ATXN7L1: variants seen among roughly 807,000 people sequenced by gnomAD.
ATXN7L1 encodes ataxin 7 like 1, also known as ataxin-7-like protein 1.
A neutral mutation model predicts 70.8 loss-of-function variants in ATXN7L1; 15 were observed. The observed-to-expected ratio is 0.21, with a 90% CI of 0.14 to 0.33. The LOEUF is 0.33. Among genes scored for constraint, ATXN7L1 ranks in the 10% least tolerant of loss-of-function variants. ATXN7L1 has a pLI of 1.00. For synonymous variants in ATXN7L1, 440 were observed against 445.1 expected (o/e 0.99, Z 0.14); for missense variants, 975 against 1,097.1 (o/e 0.89, Z 1.57).
At chr7:105,745,178 G>T (rs2116370673) in intron 3 of ATXN7L1, among the ~76,000 whole-genome samples, 1 of 152,136 alleles carries the variant, frequency 6.6e-6, no homozygotes, top group Non-Finnish European at 1.5e-5. Flanking sequence ...AATATTAAGG[G>T]GTGAAGGGAT....
rs146838327 is a variant in ATXN7L1 at position 105,791,973 on chromosome 7, G to A, written c.251-3265C>T. Among the ~76,000 whole-genome samples, 452 of 152,320 alleles carry A rather than the reference G, an allele frequency of 3.0e-3. 2 individuals carry two copies. Among genetic ancestry groups the A allele is most frequent in the African/African-American group, 0.01 (428 of 41,566 alleles). On this transcript the variant is annotated intron_variant, in intron 2 of 11. Coordinates refer to ENST00000419735, the MANE Select transcript of ATXN7L1 (RefSeq NM_020725.2). ...GGAGGCTGAGACCAGACATTGGAGG[G>A]TGTGGGGAATTTGTCCCTGCACCTT... is the stretch of plus-strand genomic sequence containing the variant.
rs146420456 is a variant in ATXN7L1 at position 105,722,223 on chromosome 7, G to A, written c.356-56935C>T. 4.4e-3 allele frequency among the ~76,000 whole-genome samples: 663 copies of A among 152,228 alleles called. 3 individuals carry two copies. Among genetic ancestry groups the A allele is most frequent in the African/African-American group, 0.014 (587 of 41,540 alleles). On this transcript the variant is annotated intron_variant, in intron 3 of 11. Transcript: ENST00000419735. ...CAGGGCTGGGACTATGTGTGTACAC[G>A]TGCGTGCCTGTGTGTGCCCTCACAG... is the stretch of plus-strand genomic sequence containing the variant.
At chr7:105,761,792 C>T (rs1191596094) in intron 3 of ATXN7L1, among the ~76,000 whole-genome samples, 1 of 152,144 alleles carries the variant, frequency 6.6e-6, no homozygotes, top group African/African-American at 2.4e-5. Context: ...TCATGGGCAC[C>T]ATTATTCATG....
intron 3 of ATXN7L1, among the ~76,000 whole-genome samples, chr7:105,768,559 C>T (rs964943420): frequency 3.3e-5 from 5 of 152,210 alleles, no homozygotes; most frequent in African/African-American, 7.2e-5. Context: ...AAACCCATCA[C>T]GAGTAGGTTT....
intron 3 of ATXN7L1, among the ~76,000 whole-genome samples, chr7:105,683,856 G>A (rs548074665): frequency 7.2e-5 from 11 of 152,186 alleles, no homozygotes; most frequent in Admixed American, 3.3e-4. Context: ...TGATACAGCC[G>A]CCATTTCCAT....
chr7:105,761,146 T>A, intron 3 of ATXN7L1: 1 of 1,242,666 alleles, frequency 8.0e-7, no homozygotes, highest in Non-Finnish European at 1.0e-6. Context: ...TTAGACCAGC[T>A]TTGTGGTGGT....
At chr7:105,664,228 T>C (rs1802159824) in intron 4 of ATXN7L1, among the ~76,000 whole-genome samples, 1 of 152,056 alleles carries the variant, frequency 6.6e-6, no homozygotes, top group Non-Finnish European at 1.5e-5. Context: ...GGTAGGGCCG[T>C]GGTCTTGCTC....
chr7:105,635,408 G>C (rs1046442107), intron 7 of ATXN7L1, among the ~76,000 whole-genome samples: 2 of 152,236 alleles, frequency 1.3e-5, no homozygotes, highest in African/African-American at 4.8e-5. Context: ...GTCAAGGCCG[G>C]CATTCACTGC....
At chr7:105,767,370 A>C (rs1801414433) in intron 3 of ATXN7L1, among the ~76,000 whole-genome samples, 1 of 152,062 alleles carries the variant, frequency 6.6e-6, no homozygotes, top group Non-Finnish European at 1.5e-5. Context: ...AGCCAAGGCC[A>C]TGTATCCATC....
At chr7:105,660,288 T>G (rs1801383654) in intron 4 of ATXN7L1, among the ~76,000 whole-genome samples, 1 of 152,100 alleles carries the variant, frequency 6.6e-6, no homozygotes, top group Admixed American at 6.6e-5. Flanking sequence ...AACACCGCTT[T>G]GAAATTTCCA....
intron 2 of ATXN7L1, among the ~76,000 whole-genome samples, chr7:105,805,808 T>C (rs1041668648): frequency 3.3e-5 from 5 of 151,728 alleles, no homozygotes; most frequent in Middle Eastern, 3.4e-3. Flanking sequence ...GCTGGCCTGG[T>C]GAGGGTGCCA....
At chr7:105,854,955 CTTCT>C (rs1386483208) in intron 2 of ATXN7L1, among the ~76,000 whole-genome samples, 9 of 126,818 alleles carry the variant, frequency 7.1e-5, no homozygotes, top group East Asian at 4.6e-4. Context: ...TTTTCTTCTT[CTTCT>C]TTTTTTTTTT....
chr7:105,705,047 C>T (rs561370364), intron 3 of ATXN7L1, among the ~76,000 whole-genome samples: 74 of 150,856 alleles, frequency 4.9e-4, no homozygotes, highest in African/African-American at 1.5e-3. Context: ...TATTTTGAGA[C>T]GGAGTCTTGC....
At position 105,750,633 on chromosome 7, in the gene ATXN7L1, C is replaced by T. The variant is rs948098697; in HGVS notation, c.355+37971G>A. On this transcript the variant is annotated intron_variant, in intron 3 of 11. Transcript: ENST00000419735. ...CCTGACCAACATGGTGAAACCCCGT[C>T]TCTACTAAAAAATACAAAAATTAGC... is the stretch of plus-strand genomic sequence containing the variant. Among the ~76,000 whole-genome samples the T allele has an allele frequency of 7.2e-5, 11 of 152,088 alleles. 1 individual carries two copies. The highest frequency in any genetic ancestry group is 1.2e-4 in the Non-Finnish European group (8 of 68,026).
At chr7:105,613,733 G>C in intron 10 of ATXN7L1, 129 bp downstream of exon 10, 1 of 1,518,882 alleles carries the variant, frequency 6.6e-7, no homozygotes, top group East Asian at 2.5e-5. Context: ...GGTGAAAACT[G>C]CCTTCGGGGA....
At chr7:105,853,382 A>G (rs1815186950) in intron 2 of ATXN7L1, among the ~76,000 whole-genome samples, 1 of 152,122 alleles carries the variant, frequency 6.6e-6, no homozygotes, top group Non-Finnish European at 1.5e-5. Context: ...GTGAAACCCC[A>G]TCTCTACTAA....
intron 3 of ATXN7L1, among the ~76,000 whole-genome samples, chr7:105,776,758 C>T (rs1337848484): frequency 1.3e-5 from 2 of 152,074 alleles, no homozygotes; most frequent in Admixed American, 6.5e-5. Flanking sequence ...CCTGTTTATC[C>T]ACCTGTTTAT....
At chr7:105,667,435 C>T (rs1329003998) in intron 3 of ATXN7L1, among the ~76,000 whole-genome samples, 1 of 98,116 alleles carries the variant, frequency 1.0e-5, no homozygotes, top group Non-Finnish European at 2.3e-5. Context: ...CGCGGTGGCT[C>T]ACGCCTGTAA....
At chr7:105,801,225 C>T (rs1342461878) in intron 2 of ATXN7L1, among the ~76,000 whole-genome samples, 1 of 152,106 alleles carries the variant, frequency 6.6e-6, no homozygotes, top group Non-Finnish European at 1.5e-5. Flanking sequence ...TGGAGCAAAA[C>T]AGTTAGTATG....
Sources: gnomAD v4.1 joint callset for allele counts (sites outside exome capture counted in the v4.1 genomes callset) on GRCh38, gnomAD v4.1.1 for gene constraint, MANE v1.5 for transcripts, NCBI Gene and HGNC (gene_info 2026-07-23, HGNC 2026-07-21) for gene names.